Variants in TTC17 observed in about 807,000 individuals in gnomAD.
TTC17 encodes tetratricopeptide repeat protein 17.
A neutral mutation model predicts 143.8 loss-of-function variants in TTC17; 58 were observed. That is an observed-to-expected ratio of 0.40 (90% CI 0.33 to 0.50). The LOEUF (loss-of-function observed/expected upper bound fraction) is 0.50. Among genes scored for constraint, TTC17 ranks in the 20% least tolerant of loss-of-function variants. The probability of loss-of-function intolerance (pLI) is 0.49; values close to 1 mark genes in which losing one functional copy is unlikely to be tolerated. For missense variants in TTC17, 1,273 were observed against 1,392.5 expected (o/e 0.91, Z 1.37); for synonymous variants, 501 against 497.8 (o/e 1.01, Z -0.09).
intron 16 of TTC17, among the ~76,000 whole-genome samples, chr11:43,424,725 G>A (rs890368994): frequency 5.9e-5 from 9 of 152,024 alleles, no homozygotes; most frequent in Non-Finnish European, 1.3e-4. Context: ...AGCTGAGATT[G>A]CATCATCGTA....
chr11:43,469,408 G>T (rs922870859), intron 21 of TTC17, among the ~76,000 whole-genome samples: 7 of 151,872 alleles, frequency 4.6e-5, no homozygotes, highest in Non-Finnish European at 5.9e-5. Context: ...CAAAATACTT[G>T]GAAAAAAAAT....
At chr11:43,367,086 G>C (rs555010476) in intron 1 of TTC17, among the ~76,000 whole-genome samples, 1 of 152,256 alleles carries the variant, frequency 6.6e-6, no homozygotes, top group East Asian at 1.9e-4. Flanking sequence ...TGCCACACTA[G>C]ACATTTCTCA....
At chr11:43,374,103 C>T (rs1028449411) in intron 1 of TTC17, among the ~76,000 whole-genome samples, 1 of 152,080 alleles carries the variant, frequency 6.6e-6, no homozygotes, top group South Asian at 2.1e-4. Context: ...TATTAAATGC[C>T]TAGCATATAC....
chr11:43,428,704 C>T (rs2134672756), intron 16 of TTC17, among the ~76,000 whole-genome samples: 1 of 152,362 alleles, frequency 6.6e-6, no homozygotes, highest in East Asian at 1.9e-4. Context: ...AAGCAAGTTT[C>T]AGGTGTGACC....
At chr11:43,403,227 T>C (rs1409456883) in intron 10 of TTC17, among the ~76,000 whole-genome samples, 1 of 152,172 alleles carries the variant, frequency 6.6e-6, no homozygotes, top group Non-Finnish European at 1.5e-5. Context: ...AGACCGATCA[T>C]TTGAAGGAGT....
intron 2 of TTC17, among the ~76,000 whole-genome samples, chr11:43,381,990 T>C (rs1026331558): frequency 6.6e-6 from 1 of 152,180 alleles, no homozygotes; most frequent in East Asian, 1.9e-4. Context: ...TTGGTCCTTC[T>C]AGTGCAAACT....
intron 15 of TTC17, 119 bp from the exon 16 acceptor site, chr11:43,414,471 T>C (rs1197081267): frequency 4.1e-6 from 4 of 985,396 alleles, no homozygotes; most frequent in Non-Finnish European, 6.0e-6. Context: ...AAATGGATAG[T>C]TAGCAATAAC....
chr11:43,478,598 T>TTTTA (rs921017602), intron 21 of TTC17, among the ~76,000 whole-genome samples: 1 of 151,992 alleles, frequency 6.6e-6, no homozygotes, highest in Non-Finnish European at 1.5e-5. Flanking sequence ...CATTATATTG[T>TTTTA]TTTATTTATT....
chr11:43,494,087 A>G lies in TTC17; in HGVS notation c.*183A>G, dbSNP rs558927837. On this transcript the variant is annotated 3_prime_UTR_variant, in exon 24 of 24. Coordinates refer to ENST00000039989, the MANE Select transcript of TTC17 (RefSeq NM_018259.6). ...GTTTTTACGTTTCTCCTTTCCCCCA[A>G]CCAACCTCAGAAGAGGCACCTTCAG... 4.2e-5 allele frequency: 34 copies of G among 801,626 alleles called. No homozygotes were observed. Among genetic ancestry groups the G allele is most frequent in the East Asian group, 4.1e-4 (14 of 34,074 alleles). The allele number at this position is 801,626 out of a possible 1,614,324, so 49.7% of individuals were successfully genotyped here.
intron 1 of TTC17, among the ~76,000 whole-genome samples, chr11:43,373,050 A>G (rs1335684146): frequency 6.6e-6 from 1 of 152,184 alleles, no homozygotes; most frequent in Non-Finnish European, 1.5e-5. Flanking sequence ...TGTAGAAGTT[A>G]TCCTGACATG....
intron 16 of TTC17, chr11:43,436,368 G>GA (rs1947292654): frequency 8.1e-7 from 1 of 1,242,064 alleles, no homozygotes; most frequent in African/African-American, 1.5e-5. Context: ...TGCTTCTGGG[G>GA]AAAAATCAAC....
At chr11:43,431,729 G>C (rs190418510) in intron 16 of TTC17, among the ~76,000 whole-genome samples, 1 of 152,366 alleles carries the variant, frequency 6.6e-6, no homozygotes, top group East Asian at 1.9e-4. Context: ...TTTGCAGCCA[G>C]TGCAGTGGCA....
rs747278660 is a variant in TTC17 at position 43,394,150 on chromosome 11, C to T, written c.663+2198C>T. ...TTTGAGGAGACATAGACTTTCAGTC[C>T]GTAACAGGTGGCATGCAGCCAAATT... On this transcript the variant is annotated intron_variant, in intron 5 of 23. Coordinates refer to ENST00000039989, the MANE Select transcript of TTC17 (RefSeq NM_018259.6). Among the ~76,000 whole-genome samples, 4 of 152,132 alleles carry T rather than the reference C, an allele frequency of 2.6e-5. No individual in the cohort carries two copies. The East Asian group carries it at 7.7e-4, about 29-fold the overall frequency.
intron 5 of TTC17, among the ~76,000 whole-genome samples, chr11:43,392,746 A>G (rs931971765): frequency 5.3e-5 from 8 of 152,216 alleles, no homozygotes; most frequent in African/African-American, 1.9e-4. Context: ...GATGAGTAAT[A>G]AGAGAAAACT....
intron 2 of TTC17, 126 bp downstream of exon 2, chr11:43,379,448 A>T: frequency 5.5e-6 from 4 of 721,460 alleles, no homozygotes; most frequent in Non-Finnish European, 4.6e-6. Flanking sequence ...GCGGGAATAT[A>T]CTACCTGCAA....
At chr11:43,363,767 G>T (rs1034764247) in intron 1 of TTC17, among the ~76,000 whole-genome samples, 15 of 152,296 alleles carry the variant, frequency 9.8e-5, no homozygotes, top group African/African-American at 3.4e-4. Flanking sequence ...GGATTAGTCT[G>T]CAGTAGCATG....
chr11:43,386,392 G>A (rs1294404946), intron 2 of TTC17, among the ~76,000 whole-genome samples: 5 of 152,144 alleles, frequency 3.3e-5, no homozygotes, highest in Non-Finnish European at 7.4e-5. Flanking sequence ...AATACTGTAG[G>A]CAGTTGTAAC....
At chr11:43,442,941 T>A (rs1463208659) in intron 16 of TTC17, among the ~76,000 whole-genome samples, 1 of 152,200 alleles carries the variant, frequency 6.6e-6, no homozygotes, top group Non-Finnish European at 1.5e-5. Flanking sequence ...TCCAGATACT[T>A]GAATAAACCT....
chr11:43,492,685 G>C (rs1008080268), intron 23 of TTC17, among the ~76,000 whole-genome samples: 3 of 152,120 alleles, frequency 2.0e-5, no homozygotes, highest in African/African-American at 7.2e-5. Context: ...AGTGTTTTTG[G>C]CACATGGTAG....
Sources: gnomAD v4.1 joint callset for allele counts (sites outside exome capture counted in the v4.1 genomes callset) on GRCh38, gnomAD v4.1.1 for gene constraint, MANE v1.5 for transcripts, NCBI Gene and HGNC (gene_info 2026-07-23, HGNC 2026-07-21) for gene names.